The following CLYBL variants were observed in gnomAD, a reference collection of about 807,000 sequenced individuals.
The protein encoded by CLYBL is citramalyl-CoA lyase.
A neutral mutation model predicts 38.9 loss-of-function variants in CLYBL; 31 were observed. That is an observed-to-expected ratio of 0.80 (90% CI 0.60 to 1.08). The LOEUF (loss-of-function observed/expected upper bound fraction) is 1.08. Among genes scored for constraint, CLYBL ranks in the 50% least tolerant of loss-of-function variants. The pLI, the probability that CLYBL is intolerant of heterozygous loss-of-function variation, is 0.00. For synonymous variants in CLYBL, 171 were observed against 158.6 expected (o/e 1.08, Z -0.59); for missense variants, 434 against 411.6 (o/e 1.05, Z -0.47).
intron 1 of CLYBL, among the ~76,000 whole-genome samples, chr13:99,695,100 G>C (rs896929011): frequency 4.5e-4 from 69 of 152,030 alleles, no homozygotes; most frequent in African/African-American, 1.5e-3. Flanking sequence ...AATTATTCCA[G>C]AATTCTAACT....
rs538543476 is a variant in CLYBL, at chr13:99,770,844, C to T, written c.63-1980C>T. ...TCAAGCGATTCTCCTGCCTCAGCCT[C>T]CCAAGTGGTTGAGATTACAGGTGTG... is the stretch of plus-strand genomic sequence containing the variant. On this transcript the variant is annotated intron_variant, in intron 1 of 8. Coordinates refer to ENST00000339105, the MANE Select transcript of CLYBL (RefSeq NM_206808.5). Among the ~76,000 whole-genome samples the T allele has an allele frequency of 2.2e-3, 329 of 152,184 alleles. 1 individual carries two copies. The highest frequency in any genetic ancestry group is 3.6e-3 in the Non-Finnish European group (248 of 68,004).
intron 7 of CLYBL, among the ~76,000 whole-genome samples, chr13:99,872,587 C>A (rs1380022981): frequency 2.0e-5 from 3 of 152,160 alleles, no homozygotes; most frequent in African/African-American, 4.8e-5. Flanking sequence ...TCATAAACAC[C>A]TCCTGGTGAA....
chr13:99,770,732 AT>A (rs915218566), intron 1 of CLYBL, among the ~76,000 whole-genome samples: 2 of 150,946 alleles, frequency 1.3e-5, no homozygotes, highest in South Asian at 2.1e-4. Context: ...ACTGGCAGTT[AT>A]TTTTTTTGAG....
rs538474439 is a variant in CLYBL at position 99,790,865 on chromosome 13, CTT to C, written c.249+17858_249+17859del. On this transcript the variant is annotated intron_variant, in intron 2 of 8. Transcript: ENST00000339105. ...GTGTCCTGTTTTCTACATCCTATGA[CTT>C]TTCATTTCTAGGTATGTTTCTGTGT... Among the ~76,000 whole-genome samples the C allele has an allele frequency of 1.4e-3, 207 of 152,320 alleles. 1 individual carries two copies. The highest frequency in any genetic ancestry group is 4.8e-3 in the African/African-American group (199 of 41,572).
chr13:99,643,077 A>G (rs1290820552), intron 1 of CLYBL: 1 of 153,410 alleles, frequency 6.5e-6, no homozygotes, highest in Non-Finnish European at 1.5e-5. Flanking sequence ...TAGTGTCCTT[A>G]GAGTCTCCAG....
intron 1 of CLYBL, among the ~76,000 whole-genome samples, chr13:99,667,272 T>C (rs1185084660): frequency 6.6e-6 from 1 of 152,138 alleles, no homozygotes; most frequent in Non-Finnish European, 1.5e-5. Context: ...TGGAGCCACG[T>C]ATGCTGTAAA....
chr13:99,736,695 T>A (rs2048673886), intron 1 of CLYBL, among the ~76,000 whole-genome samples: 1 of 152,222 alleles, frequency 6.6e-6, no homozygotes, highest in African/African-American at 2.4e-5. Flanking sequence ...CTGGAGTTTG[T>A]CCTTCTCCCT....
intron 1 of CLYBL, among the ~76,000 whole-genome samples, chr13:99,679,736 G>A (rs184655154): frequency 1.4e-5 from 2 of 146,866 alleles, no homozygotes; most frequent in Admixed American, 6.8e-5. Context: ...AGGAGAGGGT[G>A]GGGGGGGAAA....
Position 99,611,368 on chromosome 13 carries a change from G to A in CLYBL, c.62+4611G>A, listed in dbSNP as rs538472807. ...CATAGAGTTTTGATCGAGTGGATTT[G>A]AATTTATAAATTTTTTTTTGCATCT... is the stretch of plus-strand genomic sequence containing the variant. On this transcript the variant is annotated intron_variant, in intron 1 of 8. Transcript: ENST00000339105. 3.3e-3 allele frequency among the ~76,000 whole-genome samples: 506 copies of A among 152,270 alleles called. 6 individuals are homozygous for A. The highest frequency in any genetic ancestry group is 3.4e-3 in the Non-Finnish European group (233 of 68,022).
chr13:99,640,514 T>C (rs2047078229), intron 1 of CLYBL, among the ~76,000 whole-genome samples: 4 of 152,248 alleles, frequency 2.6e-5, no homozygotes, highest in African/African-American at 9.6e-5. Context: ...CCCTGTAGTG[T>C]TCTTTTGAGT....
intron 1 of CLYBL, among the ~76,000 whole-genome samples, chr13:99,723,157 G>A (rs1239312474): frequency 6.6e-6 from 1 of 152,214 alleles, no homozygotes; most frequent in East Asian, 1.9e-4. Flanking sequence ...CCAGGAGCTG[G>A]CTTTAAAACA....
intron 1 of CLYBL, among the ~76,000 whole-genome samples, chr13:99,727,843 C>T (rs899764102): frequency 6.6e-6 from 1 of 152,000 alleles, no homozygotes; most frequent in East Asian, 1.9e-4. Flanking sequence ...TTTGAGAGGC[C>T]GAGGTGGGCG....
intron 7 of CLYBL, among the ~76,000 whole-genome samples, chr13:99,889,790 CCT>C (rs2052441815): frequency 6.6e-6 from 1 of 152,172 alleles, no homozygotes; most frequent in African/African-American, 2.4e-5. Flanking sequence ...ACCTCTCAGC[CCT>C]CATCATGAGA....
intron 1 of CLYBL, among the ~76,000 whole-genome samples, chr13:99,661,968 T>C (rs1329646486): frequency 6.6e-6 from 1 of 152,126 alleles, no homozygotes; most frequent in Non-Finnish European, 1.5e-5. Context: ...AACTAAACTT[T>C]TGTGAAGAGA....
intron 2 of CLYBL, among the ~76,000 whole-genome samples, chr13:99,834,672 C>T (rs909910617): frequency 3.3e-5 from 5 of 152,150 alleles, no homozygotes; most frequent in African/African-American, 7.2e-5. Flanking sequence ...CCCTGCTCCC[C>T]GGGGCCCACT....
chr13:99,775,119 T>G (rs1270651997), intron 2 of CLYBL, among the ~76,000 whole-genome samples: 2 of 152,206 alleles, frequency 1.3e-5, no homozygotes, highest in Admixed American at 1.3e-4. Context: ...GGGGAATTTA[T>G]TGTAGCATTG....
chr13:99,665,005 A>C (rs2047460300), intron 1 of CLYBL, among the ~76,000 whole-genome samples: 1 of 151,964 alleles, frequency 6.6e-6, no homozygotes, highest in African/African-American at 2.4e-5. Flanking sequence ...TAGCAGAAGA[A>C]TGTTTTTCAA....
chr13:99,824,257 G>GCCCCCCCCCCCCCCCCCCC (rs57450534), intron 2 of CLYBL, among the ~76,000 whole-genome samples: 32 of 130,362 alleles, frequency 2.5e-4, no homozygotes, highest in Non-Finnish European at 3.7e-4. Context: ...CTGACTAATA[G>GCCCCCCCCCCCCCCCCCCC]CCCCCCCCAC....
At chr13:99,861,226 AAG>A (rs1011844449) in intron 3 of CLYBL, among the ~76,000 whole-genome samples, 10 of 152,178 alleles carry the variant, frequency 6.6e-5, no homozygotes, top group African/African-American at 1.9e-4. Context: ...TTTTTTAAGA[AAG>A]AGGGGGAGGA....
Sources: gnomAD v4.1 joint callset for allele counts (sites outside exome capture counted in the v4.1 genomes callset) on GRCh38, gnomAD v4.1.1 for gene constraint, MANE v1.5 for transcripts, NCBI Gene and HGNC (gene_info 2026-07-23, HGNC 2026-07-21) for gene names.